The following DLGAP1 variants were observed in gnomAD, a reference collection of about 807,000 sequenced individuals.
DLGAP1 encodes disks large-associated protein 1.
In DLGAP1, 11 loss-of-function variants were observed where a neutral mutation model predicts 90.8. The observed-to-expected ratio is 0.12, with a 90% confidence interval of 0.08 to 0.20. The LOEUF (loss-of-function observed/expected upper bound fraction) is 0.20, where lower values mean the gene tolerates loss of function less well. DLGAP1 is among the 10% of genes least tolerant of loss of function. DLGAP1 has a pLI of 1.00. For synonymous variants in DLGAP1, 558 were observed against 540.7 expected (o/e 1.03, Z -0.44); for missense variants, 1,050 against 1,333.8 (o/e 0.79, Z 3.31).
At chr18:3,986,936 A>G (rs1192527840) in intron 3 of DLGAP1, among the ~76,000 whole-genome samples, 1 of 152,200 alleles carries the variant, frequency 6.6e-6, no homozygotes, top group African/African-American at 2.4e-5. Flanking sequence ...CCTATGATTT[A>G]GCAACTGAAA....
chr18:3,575,828 A>G (rs2055091692), intron 8 of DLGAP1, among the ~76,000 whole-genome samples: 1 of 152,160 alleles, frequency 6.6e-6, no homozygotes, highest in African/African-American at 2.4e-5. Context: ...CACCAGATAA[A>G]GTACTTGACT....
intron 6 of DLGAP1, among the ~76,000 whole-genome samples, chr18:3,732,549 T>C (rs1351013725): frequency 6.6e-6 from 1 of 152,256 alleles, no homozygotes; most frequent in African/African-American, 2.4e-5. Context: ...ATTCCATATG[T>C]AATCGATTTT....
At chr18:4,242,133 T>C (rs1285254532) in intron 1 of DLGAP1, among the ~76,000 whole-genome samples, 3 of 152,170 alleles carry the variant, frequency 2.0e-5, no homozygotes, top group African/African-American at 7.2e-5. Context: ...CCTAGTAATG[T>C]ATGATTCTGA....
At chr18:4,177,408 T>C (rs1290640668) in intron 1 of DLGAP1, among the ~76,000 whole-genome samples, 2 of 150,160 alleles carry the variant, frequency 1.3e-5, no homozygotes, top group East Asian at 3.9e-4. Flanking sequence ...TTCCTTGGCT[T>C]GCTGCTGCTT....
intron 1 of DLGAP1, among the ~76,000 whole-genome samples, chr18:4,319,996 C>G (rs550358790): frequency 5.5e-4 from 83 of 152,242 alleles, no homozygotes; most frequent in South Asian, 1.4e-3. Context: ...ATTCTCCCTC[C>G]AACCTTGTCT....
intron 3 of DLGAP1, among the ~76,000 whole-genome samples, chr18:3,882,837 A>G (rs1048053333): frequency 1.3e-5 from 2 of 152,320 alleles, no homozygotes; most frequent in African/African-American, 4.8e-5. Context: ...TTCCTACAAT[A>G]CAAAAATTGC....
intron 3 of DLGAP1, among the ~76,000 whole-genome samples, chr18:3,909,317 A>G (rs1177369229): frequency 1.3e-5 from 2 of 152,170 alleles, no homozygotes; most frequent in East Asian, 3.9e-4. Context: ...TCAAGACTCA[A>G]GATCCCAAAA....
rs923168715 is a variant in DLGAP1, at chr18:4,342,968, G to A, written c.-267+112038C>T. Among the ~76,000 whole-genome samples, 3 of 152,134 alleles carry A rather than the reference G, an allele frequency of 2.0e-5. No individual in the cohort carries two copies. The highest frequency in any genetic ancestry group is 6.5e-5 in the Admixed American group (1 of 15,274). On this transcript the variant is annotated intron_variant, in intron 1 of 12. Coordinates refer to ENST00000315677, the MANE Select transcript of DLGAP1 (RefSeq NM_004746.4). This position sits in a 1 kb window ranked among gnomAD's most constrained non-coding sequence, Gnocchi z 5.8. ...AGCTCACGGATTATTTCAGATTCAG[G>A]ATTGTACTGGGATAAATATAATCTA... is the stretch of plus-strand genomic sequence containing the variant.
chr18:3,597,163 T>C (rs753454862), intron 7 of DLGAP1: 1 of 519,754 alleles, frequency 1.9e-6, no homozygotes, highest in South Asian at 1.4e-5. Flanking sequence ...GTACTCTGTC[T>C]GTTTGCACAC....
In DLGAP1 at chr18:4,378,055, C is replaced by A. The variant is rs2082048708; in HGVS notation, c.-267+76951G>T. 6.7e-6 allele frequency among the ~76,000 whole-genome samples: 1 copy of A among 149,218 alleles called. No homozygotes were observed. Among genetic ancestry groups the A allele is most frequent in the Admixed American group, 6.7e-5 (1 of 14,862 alleles). On this transcript the variant is annotated intron_variant, in intron 1 of 12. Transcript: ENST00000315677. The surrounding 1 kb of genome is among the most constrained non-coding windows in gnomAD (Gnocchi z 4.5). Reference sequence around the variant, plus strand: ...TTTTGTCTATGTGTTTTTATATATACATATTATAAAATATATATATCACTT... The same window carrying A: ...TTTTGTCTATGTGTTTTTATATATAAATATTATAAAATATATATATCACTT...
intron 10 of DLGAP1, among the ~76,000 whole-genome samples, chr18:3,513,870 G>C (rs927273834): frequency 2.0e-5 from 3 of 152,112 alleles, no homozygotes; most frequent in African/African-American, 7.2e-5. Flanking sequence ...TTGTTATTTT[G>C]AGAAAAGGAG....
At chr18:4,270,328 A>T (rs649484) in intron 1 of DLGAP1, among the ~76,000 whole-genome samples, 13,310 of 152,074 alleles carry the variant, frequency 0.088, 1,233 homozygotes, top group African/African-American at 0.24. Context: ...TCTGGGGACA[A>T]CCTACTCTTA....
intron 1 of DLGAP1, among the ~76,000 whole-genome samples, chr18:4,310,671 C>G (rs1180436291): frequency 6.6e-6 from 1 of 152,144 alleles, no homozygotes; most frequent in African/African-American, 2.4e-5. Context: ...CTCATTGTAT[C>G]CTGTGTTTAG....
intron 5 of DLGAP1, among the ~76,000 whole-genome samples, chr18:3,805,227 T>C (rs2066509637): frequency 6.6e-6 from 1 of 152,206 alleles, no homozygotes; most frequent in South Asian, 2.1e-4. Flanking sequence ...AACCAGTGGC[T>C]TGTTGAAGTG....
At chr18:4,367,513 A>C (rs908909245) in intron 1 of DLGAP1, among the ~76,000 whole-genome samples, 1 of 152,156 alleles carries the variant, frequency 6.6e-6, no homozygotes, top group Non-Finnish European at 1.5e-5. Context: ...AAAAATTAGC[A>C]GTTCTACCAA....
chr18:4,392,446 A>G (rs546292299), intron 1 of DLGAP1, among the ~76,000 whole-genome samples: 1 of 152,302 alleles, frequency 6.6e-6, no homozygotes, highest in South Asian at 2.1e-4. Context: ...TTAATAATGT[A>G]TTATTTATTC....
At chr18:3,821,190 T>C (rs1262762684) in intron 4 of DLGAP1, among the ~76,000 whole-genome samples, 3 of 146,984 alleles carry the variant, frequency 2.0e-5, no homozygotes, top group Admixed American at 7.1e-5. Context: ...TTTGGGAGGC[T>C]GAGACAAGAG....
At chr18:3,823,605 A>G (rs1472996513) in intron 4 of DLGAP1, among the ~76,000 whole-genome samples, 1 of 152,124 alleles carries the variant, frequency 6.6e-6, no homozygotes, top group African/African-American at 2.4e-5. Flanking sequence ...GTAATTTTCT[A>G]TTAAACCTAA....
At chr18:4,224,396 T>C (rs959048310) in intron 1 of DLGAP1, among the ~76,000 whole-genome samples, 3 of 152,144 alleles carry the variant, frequency 2.0e-5, no homozygotes, top group African/African-American at 7.2e-5. Context: ...AAGGGGGATC[T>C]TGGGGTCCGT....
Sources: allele counts gnomAD v4.1 joint callset (sites outside exome capture counted in the v4.1 genomes callset), GRCh38; gene constraint gnomAD v4.1.1; non-coding constraint Gnocchi (gnomAD v3.1); transcripts MANE v1.5; gene names NCBI Gene and HGNC (gene_info 2026-07-23, HGNC 2026-07-21).